Variants in SPIN1 observed in about 807,000 individuals in gnomAD.
SPIN1 encodes the protein spindlin-1.
Under a neutral mutation model 26.0 loss-of-function variants are expected in SPIN1, and 3 were observed. The observed-to-expected ratio is 0.12, with a 90% CI of 0.05 to 0.30. The LOEUF (loss-of-function observed/expected upper bound fraction) is 0.30. Ranked by LOEUF, SPIN1 falls within the 10% of genes least tolerant of loss-of-function variation. SPIN1 has a pLI of 1.00. For missense variants in SPIN1, 126 were observed against 333.4 expected, an observed-to-expected ratio of 0.38 and a Z score of 4.84; for synonymous variants, 101 against 116.5, an observed-to-expected ratio of 0.87 and a Z score of 0.86.
chr9:88,476,940 A>G lies in SPIN1; in HGVS notation c.*1663A>G, dbSNP rs1465370885. On this transcript the variant is annotated 3_prime_UTR_variant, in exon 6 of 6. Transcript: ENST00000375859. ...TGATGGTTTCCAGGCCTCGTTATGCATGGTTTGCTTGATGCCCATTTTTTG... is the reference window on the plus strand; with the variant it reads ...TGATGGTTTCCAGGCCTCGTTATGCGTGGTTTGCTTGATGCCCATTTTTTG... 2 of 152,214 alleles carry G rather than the reference A, an allele frequency of 1.3e-5. No individual in the cohort carries two copies. The highest frequency in any genetic ancestry group is 4.8e-5 in the African/African-American group (2 of 41,520). The allele number at this position is 152,214 out of a possible 1,614,324, so 9.4% of individuals were successfully genotyped here.
chr9:88,395,718 G>A lies in SPIN1; in HGVS notation c.-159+7180G>A, dbSNP rs112079774. On this transcript the variant is annotated intron_variant, in intron 1 of 5. Coordinates refer to ENST00000375859, the MANE Select transcript of SPIN1 (RefSeq NM_006717.3). ...TTACCTGGGCTTCCCAAAAAACTTGGGATTACAGGCGTCAGGCATCAATAC... is the reference window on the plus strand; with the variant it reads ...TTACCTGGGCTTCCCAAAAAACTTGAGATTACAGGCGTCAGGCATCAATAC... Among the ~76,000 whole-genome samples the A allele has an allele frequency of 1.0e-2, 1,512 of 151,774 alleles. 33 individuals are homozygous for A. The highest frequency in any genetic ancestry group is 0.034 in the African/African-American group (1,410 of 41,426).
chr9:88,439,286 G>T (rs994241448), intron 2 of SPIN1, among the ~76,000 whole-genome samples: 9 of 152,102 alleles, frequency 5.9e-5, no homozygotes, highest in African/African-American at 1.9e-4. Context: ...GGTTGCTGTT[G>T]GTAGCATATA....
chr9:88,425,709 A>G (rs1051393867), intron 1 of SPIN1, among the ~76,000 whole-genome samples: 8 of 151,972 alleles, frequency 5.3e-5, no homozygotes, highest in Admixed American at 5.3e-4. Flanking sequence ...CTTCCATAAA[A>G]TGACTTTGGC....
rs911120949 is a variant in SPIN1 at position 88,477,637 on chromosome 9, T to G, written c.*2360T>G. 1.3e-5 allele frequency: 2 copies of G among 152,648 alleles called. No homozygotes were observed. Among genetic ancestry groups the G allele is most frequent in the African/African-American group, 4.8e-5 (2 of 41,456 alleles). The allele number at this position is 152,648 out of a possible 1,614,324, so 9.5% of individuals were successfully genotyped here. On this transcript the variant is annotated 3_prime_UTR_variant, in exon 6 of 6. Coordinates refer to ENST00000375859, the MANE Select transcript of SPIN1 (RefSeq NM_006717.3). ...GACTAATTCTGCTCCCAAGCCCTTG[T>G]ATCTTGGGCTTCATTTTAGGCTCAT... is the stretch of plus-strand genomic sequence containing the variant.
At chr9:88,394,548 T>A (rs192458985) in intron 1 of SPIN1, among the ~76,000 whole-genome samples, 93 of 152,304 alleles carry the variant, frequency 6.1e-4, no homozygotes, top group Admixed American at 1.2e-3. Flanking sequence ...AAAATTTACA[T>A]TCTTAGCAAC....
chr9:88,390,759 T>A (rs990536300), intron 1 of SPIN1, among the ~76,000 whole-genome samples: 1 of 152,204 alleles, frequency 6.6e-6, no homozygotes, highest in Non-Finnish European at 1.5e-5. Flanking sequence ...GGAATCACAA[T>A]GGCCTTCCAA....
intron 2 of SPIN1, among the ~76,000 whole-genome samples, chr9:88,438,394 C>T (rs142844563): frequency 1.1e-4 from 17 of 152,192 alleles, no homozygotes; most frequent in East Asian, 5.8e-4. Context: ...AGTTTAATTA[C>T]GTTGTTGTAT....
At position 88,478,163 on chromosome 9, in the gene SPIN1, TCA is replaced by T. The variant is rs1477899832; in HGVS notation, c.*2889_*2890del. ...GGGACTGTGTTTTCTTAAAAAAAAATCACAGTTACTTCTAAACCAGATTTCAT... is the reference window on the plus strand; with the variant it reads ...GGGACTGTGTTTTCTTAAAAAAAAATCAGTTACTTCTAAACCAGATTTCAT... On this transcript the variant is annotated 3_prime_UTR_variant, in exon 6 of 6. Transcript: ENST00000375859. 6 of 152,646 alleles carry T rather than the reference TCA, an allele frequency of 3.9e-5. No homozygotes were observed. The highest frequency in any genetic ancestry group is 1.2e-4 in the African/African-American group (5 of 41,566). The allele number at this position is 152,646 out of a possible 1,614,324, so 9.5% of individuals were successfully genotyped here. A position where few individuals can be genotyped will look rare whatever the true frequency, so the allele number is the denominator to read the frequency against.
At chr9:88,431,244 A>T (rs766305779) in intron 2 of SPIN1, among the ~76,000 whole-genome samples, 1 of 150,316 alleles carries the variant, frequency 6.7e-6, no homozygotes, top group Non-Finnish European at 1.5e-5. Flanking sequence ...ATAGATGCTC[A>T]TGTACCTACT....
At position 88,414,281 on chromosome 9, in the gene SPIN1, G is replaced by A. The variant is rs1827516894; in HGVS notation, c.-158-12101G>A. ...TCTCTGAACTTTGGGCTGTTATCCT[G>A]GGGCTCAGAGCCCCAACCTTCTAAT... On this transcript the variant is annotated intron_variant, in intron 1 of 5. Coordinates refer to ENST00000375859, the MANE Select transcript of SPIN1 (RefSeq NM_006717.3). Among the ~76,000 whole-genome samples, 2 of 152,144 alleles carry A rather than the reference G, an allele frequency of 1.3e-5. 1 individual carries two copies. The highest frequency in any genetic ancestry group is 4.1e-4 in the South Asian group (2 of 4,824).
At chr9:88,446,506 A>G (rs1415496843) in intron 2 of SPIN1, among the ~76,000 whole-genome samples, 2 of 151,106 alleles carry the variant, frequency 1.3e-5, no homozygotes, top group African/African-American at 4.9e-5. Flanking sequence ...TCCTGGGTTC[A>G]AGCGATTCTC....
chr9:88,424,854 C>T (rs1297937850), intron 1 of SPIN1, among the ~76,000 whole-genome samples: 1 of 151,978 alleles, frequency 6.6e-6, no homozygotes, highest in Non-Finnish European at 1.5e-5. Context: ...TTGAGGATGT[C>T]AAGAATGTTG....
In SPIN1 at chr9:88,426,416, G is replaced by C; in HGVS notation, c.-124G>C. 1 of 690,412 alleles carries C rather than the reference G, an allele frequency of 1.4e-6. No homozygotes were observed. The highest frequency in any genetic ancestry group is 2.5e-6 in the Non-Finnish European group (1 of 406,128). 42.8% of individuals were successfully genotyped at this position (690,412 alleles called of 1,614,324 possible). ...GATTTCACGTATTTTTGCTGAACTC[G>C]TAAAAGAGACACTTGGATGGTGGAT... On this transcript the variant is annotated 5_prime_UTR_variant, in exon 2 of 6. Transcript: ENST00000375859.
At chr9:88,388,597 G>C (rs1482539613) in intron 1 of SPIN1, 59 bp downstream of exon 1, 1 of 148,418 alleles carries the variant, frequency 6.7e-6, no homozygotes, top group Non-Finnish European at 1.5e-5. Context: ...GGGCGGGCCA[G>C]CGGTGCGGCG....
chr9:88,436,059 A>G (rs375941553), intron 2 of SPIN1, among the ~76,000 whole-genome samples: 2 of 152,152 alleles, frequency 1.3e-5, no homozygotes, highest in East Asian at 3.9e-4. Context: ...TTTTGCTTCA[A>G]TATTGACAAT....
chr9:88,414,096 G>T (rs1039702394), intron 1 of SPIN1, among the ~76,000 whole-genome samples: 4 of 152,104 alleles, frequency 2.6e-5, no homozygotes, highest in South Asian at 4.1e-4. Context: ...GTCTGGGAAG[G>T]TCTCAGATAT....
chr9:88,412,431 A>G (rs1481550651), intron 1 of SPIN1, among the ~76,000 whole-genome samples: 1 of 152,070 alleles, frequency 6.6e-6, no homozygotes, highest in Non-Finnish European at 1.5e-5. Context: ...AGAGTTGGCC[A>G]TTTATATTGA....
chr9:88,408,723 G>T (rs900805779), intron 1 of SPIN1, among the ~76,000 whole-genome samples: 1 of 147,304 alleles, frequency 6.8e-6, no homozygotes, highest in African/African-American at 2.5e-5. Flanking sequence ...GCTCAGGCTG[G>T]AGTGCAATGG....
intron 1 of SPIN1, among the ~76,000 whole-genome samples, chr9:88,405,637 G>A (rs1451128248): frequency 2.0e-5 from 3 of 146,748 alleles, no homozygotes; most frequent in African/African-American, 7.7e-5. Context: ...TCCGCCTCCC[G>A]GGTTCAAGTG....
Sources: allele counts gnomAD v4.1 joint callset (sites outside exome capture counted in the v4.1 genomes callset), GRCh38; gene constraint gnomAD v4.1.1; transcripts MANE v1.5; gene names NCBI Gene and HGNC (gene_info 2026-07-23, HGNC 2026-07-21).